Variants in STRN observed in about 807,000 individuals in gnomAD.
STRN encodes the protein protein phosphatase 2 regulatory subunit B'''alpha.
STRN carries 53 observed loss-of-function variants against 96.3 expected under a neutral mutation model. That is an observed-to-expected ratio of 0.55 (90% CI 0.44 to 0.69). The LOEUF (loss-of-function observed/expected upper bound fraction) is 0.69, where lower values mean the gene tolerates loss of function less well. STRN is among the 30% of genes least tolerant of loss of function. The pLI, the probability that STRN is intolerant of heterozygous loss-of-function variation, is 0.00. For synonymous variants in STRN, 428 were observed against 355.9 expected, an observed-to-expected ratio of 1.20 and a Z score of -2.28; for missense variants, 987 against 963.9, an observed-to-expected ratio of 1.02 and a Z score of -0.32.
intron 2 of STRN, among the ~76,000 whole-genome samples, chr2:36,916,648 C>T (rs1670107787): frequency 6.6e-6 from 1 of 152,060 alleles, no homozygotes; most frequent in South Asian, 2.1e-4. Context: ...CTGCACAATC[C>T]AAGGGGGAAA....
intron 9 of STRN, among the ~76,000 whole-genome samples, chr2:36,878,800 T>G (rs559741908): frequency 6.6e-6 from 1 of 152,164 alleles, no homozygotes; most frequent in Admixed American, 6.5e-5. Flanking sequence ...TCACCCAGGC[T>G]GGAGTGCAGT....
chr2:36,869,261 A>G lies in STRN; in HGVS notation c.1499+293T>C, dbSNP rs560701873. ...AGAACAGTCCAAACCTTCAGTATAG[A>G]CAAGGGGCTCCCCAAATATAGCAGC... On this transcript the variant is annotated intron_variant, in intron 11 of 17. Coordinates refer to ENST00000263918, the MANE Select transcript of STRN (RefSeq NM_003162.4). 6.6e-5 allele frequency among the ~76,000 whole-genome samples: 10 copies of G among 152,358 alleles called. No individual in the cohort carries two copies. In the South Asian group the frequency reaches 1.0e-3, roughly 16 times the overall value.
At chr2:36,903,869 T>C (rs1252573102) in intron 4 of STRN, among the ~76,000 whole-genome samples, 1 of 152,226 alleles carries the variant, frequency 6.6e-6, no homozygotes, top group Non-Finnish European at 1.5e-5. Context: ...TTAAAGATGT[T>C]ATATTTTTCC....
intron 9 of STRN, among the ~76,000 whole-genome samples, chr2:36,881,222 G>C (rs1669061436): frequency 6.8e-6 from 1 of 146,212 alleles, no homozygotes; most frequent in Non-Finnish European, 1.5e-5. Context: ...CCGCCTCCTG[G>C]GTTCAAGTGA....
chr2:36,935,110 T>G (rs1670669774), intron 1 of STRN, among the ~76,000 whole-genome samples: 2 of 152,146 alleles, frequency 1.3e-5, no homozygotes, highest in African/African-American at 4.8e-5. Context: ...AATTTTATAT[T>G]TTTAAAAAAA....
At chr2:36,875,280 T>C (rs1047200029) in intron 10 of STRN, among the ~76,000 whole-genome samples, 1 of 151,926 alleles carries the variant, frequency 6.6e-6, no homozygotes. Flanking sequence ...GAGGCTGAGG[T>C]GGGCAGACTG....
In STRN at chr2:36,840,101, T is replaced by C. The variant is rs749724409; in HGVS notation, c.*9355A>G. ...CAGAGGGATGCCTTTCCTGACAAGA[T>C]TCCACTGGGAGGTTCGTCTTTCTCC... is the stretch of plus-strand genomic sequence containing the variant. On this transcript the variant is annotated 3_prime_UTR_variant, in exon 18 of 18. Transcript: ENST00000263918. The C allele has an allele frequency of 2.0e-5, 3 of 152,272 alleles. No homozygotes were observed. Among genetic ancestry groups the C allele is most frequent in the Non-Finnish European group, 2.9e-5 (2 of 68,068 alleles). 9.4% of individuals were successfully genotyped at this position (152,272 alleles called of 1,614,324 possible). A position where few individuals can be genotyped will look rare whatever the true frequency, so the allele number is the denominator to read the frequency against.
chr2:36,902,233 G>A (rs1300499318), intron 5 of STRN, among the ~76,000 whole-genome samples: 3 of 152,142 alleles, frequency 2.0e-5, no homozygotes, highest in Admixed American at 2.0e-4. Flanking sequence ...TACAGAATTT[G>A]AGGTATTTTT....
chr2:36,884,156 C>T, intron 8 of STRN, 81 bp from the exon 9 acceptor site: 1 of 1,183,962 alleles, frequency 8.4e-7, no homozygotes, highest in Non-Finnish European at 1.1e-6. Flanking sequence ...GTATTATAAG[C>T]CTTATTTTCC....
intron 1 of STRN, among the ~76,000 whole-genome samples, chr2:36,936,813 T>C (rs535059384): frequency 9.6e-4 from 147 of 152,340 alleles, no homozygotes; most frequent in African/African-American, 3.5e-3. Context: ...CTTTCTTCTT[T>C]CTATTTGTTG....
chr2:36,883,480 C>T (rs959817824), intron 9 of STRN, among the ~76,000 whole-genome samples: 2 of 151,976 alleles, frequency 1.3e-5, no homozygotes, highest in African/African-American at 4.8e-5. Flanking sequence ...AAAGTATACA[C>T]ATGTGAACCA....
At position 36,899,591 on chromosome 2, in the gene STRN, C is replaced by T; in HGVS notation, c.727G>A (p.Asp243Asn). ...TCATCTTCATCTTCATCACTGAAATCTGCAGCTGCACTTTCAAGGAATTTG... is the reference window on the plus strand; with the variant it reads ...TCATCTTCATCTTCATCACTGAAATTTGCAGCTGCACTTTCAAGGAATTTG... ...NFKFLESAAADFSDEDEDDDV... is the reference protein window; with the variant it reads ...NFKFLESAAANFSDEDEDDDV... The change falls in exon 6 of 18, where the codon GAT (aspartate) becomes AAT (asparagine). Residue 243 changes from aspartate to asparagine, a missense_variant. Transcript: ENST00000263918. 3 of 1,613,736 alleles carry T rather than the reference C, an allele frequency of 1.9e-6. No homozygotes were observed. Among genetic ancestry groups the T allele is most frequent in the Non-Finnish European group, 2.5e-6 (3 of 1,179,920 alleles).
At chr2:36,876,395 T>C (rs529959043) in intron 10 of STRN, among the ~76,000 whole-genome samples, 2 of 152,122 alleles carry the variant, frequency 1.3e-5, no homozygotes, top group East Asian at 1.9e-4. Context: ...TGGACCAGGA[T>C]AGAAAATGAA....
rs1343648894 is a variant in STRN at position 36,887,542 on chromosome 2, T to C, written c.932-716A>G. On this transcript the variant is annotated intron_variant, in intron 7 of 17. Transcript: ENST00000263918. ...CCTCTAGGACTAACACAAAAAGACT[T>C]TGTATTAATTTATGTGATGAGAGAA... 3.8e-4 allele frequency among the ~76,000 whole-genome samples: 58 copies of C among 151,894 alleles called. 2 individuals carry two copies. The highest frequency in any genetic ancestry group is 3.7e-3 in the Admixed American group (56 of 15,244).
intron 15 of STRN, among the ~76,000 whole-genome samples, chr2:36,853,150 C>CTT (rs1241543298): frequency 2.7e-5 from 2 of 73,630 alleles, no homozygotes; most frequent in Non-Finnish European, 7.7e-5. Flanking sequence ...GAGCGAGACT[C>CTT]TGTCTCAAAA....
intron 15 of STRN, among the ~76,000 whole-genome samples, chr2:36,852,372 A>G (rs1250100136): frequency 6.6e-6 from 1 of 152,204 alleles, no homozygotes; most frequent in Non-Finnish European, 1.5e-5. Context: ...ACAACTCTCA[A>G]AATTTGAATA....
At chr2:36,873,638 G>A (rs571782953) in intron 10 of STRN, among the ~76,000 whole-genome samples, 10 of 152,186 alleles carry the variant, frequency 6.6e-5, no homozygotes, top group Admixed American at 5.9e-4. Flanking sequence ...GAAGAAATCT[G>A]TAAACAATCT....
Position 36,868,969 on chromosome 2 carries a change from G to T in STRN, c.1499+585C>A, listed in dbSNP as rs904905550. Among the ~76,000 whole-genome samples, 7 of 151,942 alleles carry T rather than the reference G, an allele frequency of 4.6e-5. No individual in the cohort carries two copies. The South Asian group carries it at 8.3e-4, about 18-fold the overall frequency. On this transcript the variant is annotated intron_variant, in intron 11 of 17. Transcript: ENST00000263918. ...GATTTAGCTTTGTGACTTTTAAAGG[G>T]TTTATACTAACTCATGTCTATCCAT... is the stretch of plus-strand genomic sequence containing the variant.
chr2:36,864,000 T>G (rs1668560019), intron 12 of STRN, among the ~76,000 whole-genome samples: 1 of 152,260 alleles, frequency 6.6e-6, no homozygotes, highest in African/African-American at 2.4e-5. Flanking sequence ...TTTCATACAT[T>G]GATTTTATAT....
Sources: allele counts gnomAD v4.1 joint callset (sites outside exome capture counted in the v4.1 genomes callset), GRCh38; gene constraint gnomAD v4.1.1; transcripts MANE v1.5; gene names NCBI Gene and HGNC (gene_info 2026-07-23, HGNC 2026-07-21).